Variants in NRXN1 observed in about 807,000 individuals in gnomAD.
NRXN1 encodes the protein neurexin 1.
Under a neutral mutation model 150.9 loss-of-function variants are expected in NRXN1, and 39 were observed. That is an observed-to-expected ratio of 0.26 (90% CI 0.20 to 0.34). The LOEUF (loss-of-function observed/expected upper bound fraction) is 0.34, where lower values mean the gene tolerates loss of function less well. NRXN1 is among the 10% of genes least tolerant of loss of function. The pLI, the probability that NRXN1 is intolerant of heterozygous loss-of-function variation, is 1.00. For synonymous variants in NRXN1, 924 were observed against 757.0 expected (o/e 1.22, Z -3.62); for missense variants, 1,815 against 1,949.9 (o/e 0.93, Z 1.30).
chr2:50,823,541 C>T (rs1670024797), intron 5 of NRXN1, among the ~76,000 whole-genome samples: 1 of 152,142 alleles, frequency 6.6e-6, no homozygotes, highest in Non-Finnish European at 1.5e-5. Flanking sequence ...TCCCATAGCA[C>T]TGCTTTTTCT....
intron 18 of NRXN1, among the ~76,000 whole-genome samples, chr2:50,145,847 C>G (rs993849398): frequency 6.6e-6 from 1 of 151,550 alleles, no homozygotes; most frequent in Non-Finnish European, 1.5e-5. Flanking sequence ...ATGCATTTGA[C>G]AGCTCAATTG....
intron 5 of NRXN1, among the ~76,000 whole-genome samples, chr2:50,817,848 C>A (rs1372671702): frequency 6.6e-6 from 1 of 151,892 alleles, no homozygotes; most frequent in African/African-American, 2.4e-5. Context: ...AGAAAAATTA[C>A]TTCAACATAA....
intron 18 of NRXN1, among the ~76,000 whole-genome samples, chr2:50,191,963 C>A (rs1187401399): frequency 6.6e-6 from 1 of 152,002 alleles, no homozygotes; most frequent in Non-Finnish European, 1.5e-5. Flanking sequence ...TATAAAGAAC[C>A]AATTGTTCAT....
At chr2:50,760,535 C>G (rs918070471) in intron 5 of NRXN1, among the ~76,000 whole-genome samples, 42 of 151,838 alleles carry the variant, frequency 2.8e-4, no homozygotes, top group African/African-American at 8.9e-4. Flanking sequence ...TGAGGCTCCT[C>G]TTCTCTCTCA....
chr2:50,141,317 A>G (rs1296576190), intron 18 of NRXN1, among the ~76,000 whole-genome samples: 1 of 152,100 alleles, frequency 6.6e-6, no homozygotes, highest in Non-Finnish European at 1.5e-5. Flanking sequence ...CTCTAAAAAC[A>G]ATAAAGATTT....
chr2:50,744,761 G>T lies in NRXN1; in HGVS notation c.833-121146C>A, dbSNP rs971816984. ...GTATATTCATAATAATAAGATTATG[G>T]TTACATGAAACTGTAAAAAATGCTG... On this transcript the variant is annotated intron_variant, in intron 5 of 22. Transcript: ENST00000401669. 2.6e-5 allele frequency among the ~76,000 whole-genome samples: 4 copies of T among 152,050 alleles called. No individual in the cohort carries two copies. The South Asian group carries it at 6.2e-4, about 24-fold the overall frequency.
At position 50,346,109 on chromosome 2, in the gene NRXN1, A is replaced by C. The variant is rs763369549; in HGVS notation, c.3365-109139T>G. On this transcript the variant is annotated intron_variant, in intron 17 of 22. Coordinates refer to ENST00000401669, the MANE Select transcript of NRXN1 (RefSeq NM_001330078.2). This position sits in a 1 kb window ranked among gnomAD's most constrained non-coding sequence, Gnocchi z 5.0. Reference sequence around the variant, plus strand: ...CTCGGTTGCCCTCCTAGCTTTTCTAATTAAGGGAAGGCGTGGGGGCAAAAG... The same window carrying C: ...CTCGGTTGCCCTCCTAGCTTTTCTACTTAAGGGAAGGCGTGGGGGCAAAAG... 5.9e-5 allele frequency among the ~76,000 whole-genome samples: 9 copies of C among 152,182 alleles called. No homozygotes were observed. Among genetic ancestry groups the C allele is most frequent in the Non-Finnish European group, 8.8e-5 (6 of 68,038 alleles).
chr2:50,498,896 A>G (rs548455593), intron 13 of NRXN1, among the ~76,000 whole-genome samples: 15 of 152,156 alleles, frequency 9.9e-5, no homozygotes, highest in Non-Finnish European at 1.8e-4. Context: ...TAATTGGAAA[A>G]TGTTTCAAGT....
chr2:50,087,441 A>G (rs1237967445), intron 19 of NRXN1, among the ~76,000 whole-genome samples: 1 of 152,136 alleles, frequency 6.6e-6, no homozygotes, highest in African/African-American at 2.4e-5. Flanking sequence ...TATCTGAAGC[A>G]ATCTTTAGTC....
At chr2:50,432,931 G>T (rs1037582006) in intron 17 of NRXN1, among the ~76,000 whole-genome samples, 1 of 152,020 alleles carries the variant, frequency 6.6e-6, no homozygotes, top group African/African-American at 2.4e-5. Flanking sequence ...CCCGATTTCC[G>T]ATTCCCCATC....
chr2:50,573,456 T>A (rs1670953441), intron 8 of NRXN1, among the ~76,000 whole-genome samples: 1 of 152,114 alleles, frequency 6.6e-6, no homozygotes, highest in East Asian at 1.9e-4. Context: ...CATTTCTAAG[T>A]CTATGTGGGA....
At chr2:50,617,111 G>A (rs1013784095) in intron 8 of NRXN1, among the ~76,000 whole-genome samples, 1 of 152,232 alleles carries the variant, frequency 6.6e-6, no homozygotes. Flanking sequence ...TAATGGTTCA[G>A]ACAGGATGGA....
At chr2:49,941,687 C>T (rs937579805) in intron 22 of NRXN1, among the ~76,000 whole-genome samples, 7 of 152,148 alleles carry the variant, frequency 4.6e-5, no homozygotes, top group Non-Finnish European at 8.8e-5. Context: ...GTTTTCATCG[C>T]TGTATTAATA....
chr2:50,386,041 A>C (rs2351516), intron 17 of NRXN1, among the ~76,000 whole-genome samples: 2 of 151,776 alleles, frequency 1.3e-5, no homozygotes, highest in Admixed American at 6.6e-5. Context: ...ATAAATATCT[A>C]TGATATACAA....
chr2:50,640,159 C>G (rs1017235060), intron 5 of NRXN1, among the ~76,000 whole-genome samples: 3 of 152,108 alleles, frequency 2.0e-5, no homozygotes, highest in Non-Finnish European at 2.9e-5. Context: ...TGGCCCCAGA[C>G]CCCACCTCAA....
At chr2:50,813,166 G>A (rs962771188) in intron 5 of NRXN1, among the ~76,000 whole-genome samples, 2 of 151,638 alleles carry the variant, frequency 1.3e-5, no homozygotes, top group Non-Finnish European at 2.9e-5. Flanking sequence ...TGCAACTCAA[G>A]CCAGGGTGAC....
At chr2:50,422,434 G>C (rs1400359889) in intron 17 of NRXN1, among the ~76,000 whole-genome samples, 2 of 152,102 alleles carry the variant, frequency 1.3e-5, no homozygotes, top group African/African-American at 4.8e-5. Context: ...GTTTGCATTA[G>C]AACTGGCATT....
intron 17 of NRXN1, among the ~76,000 whole-genome samples, chr2:50,407,401 G>T (rs764090845): frequency 1.3e-5 from 2 of 152,008 alleles, no homozygotes; most frequent in African/African-American, 4.8e-5. Flanking sequence ...AAACTACCTC[G>T]CCTTCAGGAC....
intron 5 of NRXN1, among the ~76,000 whole-genome samples, chr2:50,875,952 C>A (rs1242473521): frequency 1.3e-5 from 2 of 151,800 alleles, no homozygotes; most frequent in Non-Finnish European, 2.9e-5. Context: ...TCTAAGCAGA[C>A]AGCTTTGAAA....
Sources: allele counts gnomAD v4.1 joint callset (sites outside exome capture counted in the v4.1 genomes callset), GRCh38; gene constraint gnomAD v4.1.1; non-coding constraint Gnocchi (gnomAD v3.1); transcripts MANE v1.5; gene names NCBI Gene and HGNC (gene_info 2026-07-23, HGNC 2026-07-21).